Variants in CCDC27 observed in about 807,000 individuals in gnomAD.
CCDC27 encodes coiled-coil domain-containing protein 27.
A neutral mutation model predicts 80.3 loss-of-function variants in CCDC27; 80 were observed. That is an observed-to-expected ratio of 1.00 (90% CI 0.83 to 1.20). The LOEUF (loss-of-function observed/expected upper bound fraction) is 1.20, where lower values mean the gene tolerates loss of function less well. Ranked by LOEUF, CCDC27 falls within the 50% of genes most tolerant of loss-of-function variation. The pLI, the probability that CCDC27 is intolerant of heterozygous loss-of-function variation, is 0.00. For missense variants in CCDC27, 815 were observed against 809.4 expected, an observed-to-expected ratio of 1.01 and a Z score of -0.08; for synonymous variants, 342 against 334.3, an observed-to-expected ratio of 1.02 and a Z score of -0.25.
chr1:3,753,320 CTTTTTTTTTTTTT>C (rs71580220), intron 1 of CCDC27, among the ~76,000 whole-genome samples: 2 of 94,998 alleles, frequency 2.1e-5, no homozygotes, highest in African/African-American at 1.1e-4. Context: ...TTTTCTTTTT[CTTTTTTTTTTTTT>C]TTTTTTTGAG....
In CCDC27 at chr1:3,761,144, T is replaced by C. The variant is rs987684735; in HGVS notation, c.712-137T>C. On this transcript the variant is annotated intron_variant, in intron 4 of 11. Coordinates refer to ENST00000294600, the MANE Select transcript of CCDC27 (RefSeq NM_152492.3). The surrounding 1 kb of genome is among the most constrained non-coding windows in gnomAD (Gnocchi z 5.0). Reference sequence around the variant, plus strand: ...TGCTAGCTCTTTACCGCAGTACCTATCTTGAAATCCCTGGGACCCTGGGGT... The same window carrying C: ...TGCTAGCTCTTTACCGCAGTACCTACCTTGAAATCCCTGGGACCCTGGGGT... The C allele has an allele frequency of 1.0e-6, 1 of 962,474 alleles. No individual in the cohort carries two copies. Among genetic ancestry groups the C allele is most frequent in the Admixed American group, 2.6e-5 (1 of 38,448 alleles). 59.6% of individuals were successfully genotyped at this position (962,474 alleles called of 1,614,324 possible). A position where few individuals can be genotyped will look rare whatever the true frequency, so the allele number is the denominator to read the frequency against.
rs1354933080 is a variant in CCDC27, at chr1:3,760,250, A to G, written c.712-1031A>G. 6.6e-6 allele frequency among the ~76,000 whole-genome samples: 1 copy of G among 152,140 alleles called. No individual in the cohort carries two copies. Among genetic ancestry groups the G allele is most frequent in the Non-Finnish European group, 1.5e-5 (1 of 68,032 alleles). On this transcript the variant is annotated intron_variant, in intron 4 of 11. Transcript: ENST00000294600. The surrounding 1 kb of genome is among the most constrained non-coding windows in gnomAD (Gnocchi z 4.3). ...TTCAGGCATAAAGTGGTAAGAATCC[A>G]TACTACAAAGATTCCCATGTACTTT...
At position 3,756,878 on chromosome 1, in the gene CCDC27, C is replaced by T; in HGVS notation, c.699C>T (p.Val233=). The change falls in exon 4 of 12, where the codon GTC becomes GTT. Residue 233 remains valine, a synonymous_variant. Coordinates refer to ENST00000294600, the MANE Select transcript of CCDC27 (RefSeq NM_152492.3). ...LRKRMPWYLS[V]IHEKDHCLSE... ...AGAGGATGCCCTGGTACCTCTCAGT[C>T]ATCCACGAGAAGGTACTGGCGGAGG... The T allele has an allele frequency of 6.2e-7, 1 of 1,612,704 alleles. No homozygotes were observed. Among genetic ancestry groups the T allele is most frequent in the Non-Finnish European group, 8.5e-7 (1 of 1,179,620 alleles).
Position 3,761,140 on chromosome 1 carries a change from C to A in CCDC27, c.712-141C>A. The stretch of plus-strand genomic sequence containing the variant: ...GTAGTGCTAGCTCTTTACCGCAGTA[C>A]CTATCTTGAAATCCCTGGGACCCTG... On this transcript the variant is annotated intron_variant, in intron 4 of 11. Coordinates refer to ENST00000294600, the MANE Select transcript of CCDC27 (RefSeq NM_152492.3). The surrounding 1 kb of genome is among the most constrained non-coding windows in gnomAD (Gnocchi z 5.0). 1.1e-6 allele frequency: 1 copy of A among 900,730 alleles called. No homozygotes were observed. The highest frequency in any genetic ancestry group is 1.7e-6 in the Non-Finnish European group (1 of 588,142). The allele number at this position is 900,730 out of a possible 1,614,324, so 55.8% of individuals were successfully genotyped here. A position where few individuals can be genotyped will look rare whatever the true frequency, so the allele number is the denominator to read the frequency against.
rs1163916570 is a variant in CCDC27, at chr1:3,771,513, C to T, written c.1961C>T (p.Thr654Ile). Residue 654 changes from threonine to isoleucine, a missense_variant, in exon 12 of 12, where the codon ACC becomes ATC. Transcript: ENST00000294600. ...AFLTSKSKKG[T>I]SK Reference sequence around the variant, plus strand: ...CTGACCAGCAAATCCAAGAAGGGGACCTCCAAGTAGGCCCAGCCAGGCCCC... The same window carrying T: ...CTGACCAGCAAATCCAAGAAGGGGATCTCCAAGTAGGCCCAGCCAGGCCCC... The T allele has an allele frequency of 2.5e-6, 4 of 1,613,536 alleles. No individual in the cohort carries two copies. The highest frequency in any genetic ancestry group is 3.4e-6 in the Non-Finnish European group (4 of 1,179,994).
chr1:3,767,925 T>C (rs775291222), intron 10 of CCDC27, among the ~76,000 whole-genome samples: 3 of 152,122 alleles, frequency 2.0e-5, no homozygotes, highest in Non-Finnish European at 2.9e-5. Flanking sequence ...TAGGAAAGGA[T>C]GAACAGTCCC....
Position 3,766,156 on chromosome 1 carries a change from G to A in CCDC27, c.1453-379G>A, listed in dbSNP as rs1354246170. On this transcript the variant is annotated intron_variant, in intron 8 of 11. Coordinates refer to ENST00000294600, the MANE Select transcript of CCDC27 (RefSeq NM_152492.3). This position sits in a 1 kb window ranked among gnomAD's most constrained non-coding sequence, Gnocchi z 6.1. Reference sequence around the variant, plus strand: ...GCTGGGATTACAGGTGTGAGCCACTGCACGTGGCCTAGGGCTCTTCATTTC... The same window carrying A: ...GCTGGGATTACAGGTGTGAGCCACTACACGTGGCCTAGGGCTCTTCATTTC... 6.6e-6 allele frequency among the ~76,000 whole-genome samples: 1 copy of A among 152,350 alleles called. No individual in the cohort carries two copies. Among genetic ancestry groups the A allele is most frequent in the Non-Finnish European group, 1.5e-5 (1 of 68,038 alleles).
chr1:3,770,394 C>A (rs186965538), intron 11 of CCDC27, among the ~76,000 whole-genome samples: 148 of 152,314 alleles, frequency 9.7e-4, no homozygotes, highest in African/African-American at 3.4e-3. Context: ...AGAATTCAGG[C>A]CTTGGGGTCA....
chr1:3,766,445 C>A lies in CCDC27; in HGVS notation c.1453-90C>A. On this transcript the variant is annotated intron_variant, in intron 8 of 11. Coordinates refer to ENST00000294600, the MANE Select transcript of CCDC27 (RefSeq NM_152492.3). The surrounding 1 kb of genome is among the most constrained non-coding windows in gnomAD (Gnocchi z 6.1). ...ATCCCGCTGCTATTATTTTAGGGAG[C>A]TTTGGGGAAGGAAAAAAGTTAGATG... 1.2e-6 allele frequency: 1 copy of A among 836,280 alleles called. No homozygotes were observed. Among genetic ancestry groups the A allele is most frequent in the Non-Finnish European group, 2.0e-6 (1 of 512,560 alleles). 51.8% of individuals were successfully genotyped at this position (836,280 alleles called of 1,614,324 possible).
At chr1:3,753,983 G>C in intron 1 of CCDC27, 135 bp from the exon 2 acceptor site, 1 of 1,261,308 alleles carries the variant, frequency 7.9e-7, no homozygotes, top group Non-Finnish European at 1.1e-6. Flanking sequence ...TGTGGGGTCT[G>C]CATCTACATA....
chr1:3,756,680 G>C lies in CCDC27; in HGVS notation c.554-53G>C, dbSNP rs78306395. 1.7e-3 allele frequency: 2,666 copies of C among 1,599,822 alleles called. 37 individuals are homozygous for C. The African/African-American group carries it at 0.033, about 20-fold the overall frequency. On this transcript the variant is annotated intron_variant, in intron 3 of 11. Coordinates refer to ENST00000294600, the MANE Select transcript of CCDC27 (RefSeq NM_152492.3). ...GATGTCGTCATCGAAGACGCCAGAG[G>C]AGCTCGGCAGGGAAGGGTCTCATTT...
chr1:3,767,448 A>G lies in CCDC27; in HGVS notation c.1743+3A>G, dbSNP rs369110405. 5 of 1,607,728 alleles carry G rather than the reference A, an allele frequency of 3.1e-6. No homozygotes were observed. The highest frequency in any genetic ancestry group is 4.2e-6 in the Non-Finnish European group (5 of 1,177,014). ...CCCTGGAGAGCTCCCAGTCCAGGGTATGCCCAGCCCTTCCTCCTGAGGGTC... is the reference window on the plus strand; with the variant it reads ...CCCTGGAGAGCTCCCAGTCCAGGGTGTGCCCAGCCCTTCCTCCTGAGGGTC... On this transcript the variant is annotated splice_donor_region_variant and intron_variant, in intron 10 of 11. Transcript: ENST00000294600.
At chr1:3,753,987 C>G (rs1642888520) in intron 1 of CCDC27, 131 bp from the exon 2 acceptor site, 2 of 1,316,618 alleles carry the variant, frequency 1.5e-6, no homozygotes, top group Non-Finnish European at 2.1e-6. Context: ...GGGTCTGCAT[C>G]TACATACGAC....
In CCDC27 at chr1:3,763,996, C is replaced by A. The variant is rs191035535; in HGVS notation, c.1452+160C>A. On this transcript the variant is annotated intron_variant, in intron 8 of 11. Coordinates refer to ENST00000294600, the MANE Select transcript of CCDC27 (RefSeq NM_152492.3). The surrounding 1 kb of genome is among the most constrained non-coding windows in gnomAD (Gnocchi z 7.5). The stretch of plus-strand genomic sequence containing the variant: ...TGGCCCAGGGTTGTGCGGCTGATAG[C>A]GGCCCCGCTAGGATTCCCCAAGGTG... Among the ~76,000 whole-genome samples, 11 of 152,254 alleles carry A rather than the reference C, an allele frequency of 7.2e-5. No individual in the cohort carries two copies. Among genetic ancestry groups the A allele is most frequent in the African/African-American group, 2.6e-4 (11 of 41,572 alleles).
rs1424464906 is a variant in CCDC27, at chr1:3,754,142, C to G, written c.343C>G (p.Leu115Val). The change falls in exon 2 of 12, where the codon CTC becomes GTC. Residue 115 changes from leucine to valine, a missense_variant. By Grantham distance (32) the Leu-to-Val change is conservative. Transcript: ENST00000294600. ...GAGTGAACCCAAGGATGCCGCCAGC[C>G]TCACCGGCTTCATGTCCAAAATGGA... ...KTSEPKDAAS[L>V]TGFMSKMELR... 2 of 1,613,686 alleles carry G rather than the reference C, an allele frequency of 1.2e-6. No homozygotes were observed. Among genetic ancestry groups the G allele is most frequent in the Non-Finnish European group, 1.7e-6 (2 of 1,179,854 alleles).
Position 3,768,110 on chromosome 1 carries a change from T to C in CCDC27, c.1743+665T>C, listed in dbSNP as rs930352614. 7.4e-5 allele frequency among the ~76,000 whole-genome samples: 11 copies of C among 148,104 alleles called. No individual in the cohort carries two copies. Among genetic ancestry groups the C allele is most frequent in the Admixed American group, 3.4e-4 (5 of 14,840 alleles). On this transcript the variant is annotated intron_variant, in intron 10 of 11. Coordinates refer to ENST00000294600, the MANE Select transcript of CCDC27 (RefSeq NM_152492.3). This position sits in a 1 kb window ranked among gnomAD's most constrained non-coding sequence, Gnocchi z 5.6. ...GACCTTTTTTTTTTTTTTTTTTTTT[T>C]CTGAGACAGGGTCTTTCTCTGTCAT...
In CCDC27 at chr1:3,760,680, C is replaced by T. The variant is rs535254336; in HGVS notation, c.712-601C>T. 3.9e-5 allele frequency among the ~76,000 whole-genome samples: 6 copies of T among 152,210 alleles called. No homozygotes were observed. The highest frequency in any genetic ancestry group is 1.4e-4 in the African/African-American group (6 of 41,446). On this transcript the variant is annotated intron_variant, in intron 4 of 11. Transcript: ENST00000294600. This position sits in a 1 kb window ranked among gnomAD's most constrained non-coding sequence, Gnocchi z 4.3. ...AACATTTAGGGGACTTTCTAGTTAT[C>T]TTTCCTTCCAGAATATTCTGTTGGG... is the stretch of plus-strand genomic sequence containing the variant.
chr1:3,766,607 C>T lies in CCDC27; in HGVS notation c.1525C>T (p.Arg509Ter), dbSNP rs1212851244. ...CATTGAAAAGGACAACCAGCTCCTCCGACAGGTGACAGCCTGGGTGTCGTT... is the reference window on the plus strand; with the variant it reads ...CATTGAAAAGGACAACCAGCTCCTCTGACAGGTGACAGCCTGGGTGTCGTT... The part of the protein sequence containing the change: ...GLIEKDNQLL[R>*]QQVSELERKL... The change falls in exon 9 of 12, where the codon CGA (arginine) becomes TGA (stop). Residue 509 changes from arginine (R) to a stop codon, truncating the protein, a stop_gained. Coordinates refer to ENST00000294600, the MANE Select transcript of CCDC27 (RefSeq NM_152492.3). LOFTEE classifies it high-confidence loss of function. This position sits in a 1 kb window ranked among gnomAD's most constrained non-coding sequence, Gnocchi z 6.1. The T allele has an allele frequency of 1.4e-5, 22 of 1,612,754 alleles. No homozygotes were observed. The highest frequency in any genetic ancestry group is 3.3e-5 in the Admixed American group (2 of 59,948).
In CCDC27 at chr1:3,760,545, C is replaced by T. The variant is rs140847709; in HGVS notation, c.712-736C>T. 3.2e-3 allele frequency among the ~76,000 whole-genome samples: 481 copies of T among 152,316 alleles called. 2 individuals are homozygous for T. Among genetic ancestry groups the T allele is most frequent in the African/African-American group, 0.011 (445 of 41,556 alleles). ...TAATCACAACTTTAACTGCGTCCCA[C>T]GAGCTTTGATGTGTCCGGATGTTCA... On this transcript the variant is annotated intron_variant, in intron 4 of 11. Coordinates refer to ENST00000294600, the MANE Select transcript of CCDC27 (RefSeq NM_152492.3). The surrounding 1 kb of genome is among the most constrained non-coding windows in gnomAD (Gnocchi z 4.3).
Sources: gnomAD v4.1 joint callset for allele counts (sites outside exome capture counted in the v4.1 genomes callset) on GRCh38, gnomAD v4.1.1 for gene constraint, Gnocchi (gnomAD v3.1) non-coding constraint, MANE v1.5 for transcripts, NCBI Gene and HGNC (gene_info 2026-07-23, HGNC 2026-07-21) for gene names.